Variants in UBQLN1 observed in about 807,000 individuals in gnomAD.
UBQLN1 encodes ubiquilin-1.
A neutral mutation model predicts 65.4 loss-of-function variants in UBQLN1; 13 were observed. The observed-to-expected ratio is 0.20, with a 90% CI of 0.13 to 0.32. UBQLN1 has a LOEUF of 0.32. UBQLN1 is among the 10% of genes least tolerant of loss of function. The pLI, the probability that UBQLN1 is intolerant of heterozygous loss-of-function variation, is 1.00. For missense variants in UBQLN1, 561 were observed against 724.0 expected (o/e 0.77, Z 2.58); for synonymous variants, 267 against 247.8 (o/e 1.08, Z -0.73).
At chr9:83,693,351 A>G (rs1444430553) in intron 1 of UBQLN1, among the ~76,000 whole-genome samples, 1 of 152,192 alleles carries the variant, frequency 6.6e-6, no homozygotes, top group Non-Finnish European at 1.5e-5. Context: ...ACTGAATGTA[A>G]TTTTAACTTT....
At chr9:83,691,171 T>C (rs1789983001) in intron 1 of UBQLN1, among the ~76,000 whole-genome samples, 1 of 129,324 alleles carries the variant, frequency 7.7e-6, no homozygotes, top group African/African-American at 2.9e-5. Flanking sequence ...AAACACAATA[T>C]ATACATATAT....
intron 7 of UBQLN1, chr9:83,667,262 T>C (rs994606837): frequency 1.3e-5 from 2 of 153,060 alleles, no homozygotes; most frequent in African/African-American, 4.8e-5. Flanking sequence ...AGCTAATAAA[T>C]TCTTGTAGCT....
At chr9:83,705,997 C>T (rs577840209) in intron 1 of UBQLN1, among the ~76,000 whole-genome samples, 1 of 151,558 alleles carries the variant, frequency 6.6e-6, no homozygotes, top group African/African-American at 2.4e-5. Context: ...TGGGAAAAGG[C>T]AAGAAAAAAC....
At chr9:83,684,764 CGCACCGTT>C (rs1185775313) in intron 2 of UBQLN1, among the ~76,000 whole-genome samples, 7 of 149,444 alleles carry the variant, frequency 4.7e-5, no homozygotes, top group Non-Finnish European at 1.0e-4. Flanking sequence ...GAGCTGAGAT[CGCACCGTT>C]GCACTCCAGC....
chr9:83,698,912 CAAAAAAAA>C (rs34821277), intron 1 of UBQLN1, among the ~76,000 whole-genome samples: 4 of 113,422 alleles, frequency 3.5e-5, no homozygotes, highest in African/African-American at 1.2e-4. Context: ...AGACCTGTCT[CAAAAAAAA>C]AAAAAAAAGT....
intron 6 of UBQLN1, among the ~76,000 whole-genome samples, chr9:83,672,496 A>G (rs141917237): frequency 1.3e-5 from 2 of 152,328 alleles, no homozygotes; most frequent in African/African-American, 2.4e-5. Context: ...GTTGTGTCTC[A>G]GAGAATAGGG....
intron 1 of UBQLN1, among the ~76,000 whole-genome samples, chr9:83,706,899 TACTATC>T (rs1832418094): frequency 6.6e-6 from 1 of 152,178 alleles, no homozygotes; most frequent in Admixed American, 6.5e-5. Flanking sequence ...TTAAACCTAG[TACTATC>T]ACTATTACTT....
At position 83,688,340 on chromosome 9, in the gene UBQLN1, G is replaced by T. The variant is rs566987053; in HGVS notation, c.181-2185C>A. The stretch of plus-strand genomic sequence containing the variant: ...ATACAGCTAATAAACTGGTAGTTAG[G>T]ATTCAAACTTAGATTTGACTTCAAA... On this transcript the variant is annotated intron_variant, in intron 1 of 10. Coordinates refer to ENST00000376395, the MANE Select transcript of UBQLN1 (RefSeq NM_013438.5). Among the ~76,000 whole-genome samples the T allele has an allele frequency of 2.0e-4, 31 of 152,198 alleles. No homozygotes were observed. In the East Asian group the frequency reaches 4.2e-3, roughly 21 times the overall value.
rs1048735090 is a variant in UBQLN1 at position 83,661,597 on chromosome 9, C to A, written c.*190G>T. 21 of 520,508 alleles carry A rather than the reference C, an allele frequency of 4.0e-5. No homozygotes were observed. The East Asian group carries it at 5.6e-4, about 14-fold the overall frequency. 32.2% of individuals were successfully genotyped at this position (520,508 alleles called of 1,614,324 possible). ...TGATGCATGCAGTAGCCTTAATTCC[C>A]ACTGTTCCAGAAAAGAAAAATACAG... On this transcript the variant is annotated 3_prime_UTR_variant, in exon 11 of 11. Coordinates refer to ENST00000376395, the MANE Select transcript of UBQLN1 (RefSeq NM_013438.5).
At chr9:83,705,135 C>A (rs1587667450) in intron 1 of UBQLN1, among the ~76,000 whole-genome samples, 1 of 151,912 alleles carries the variant, frequency 6.6e-6, no homozygotes, top group Non-Finnish European at 1.5e-5. Context: ...CTGACAATAT[C>A]AAAATGTTAG....
intron 7 of UBQLN1, 21 bp from the exon 8 acceptor site, chr9:83,666,454 C>T (rs1475948590): frequency 1.2e-6 from 2 of 1,609,174 alleles, no homozygotes; most frequent in Non-Finnish European, 8.5e-7. Flanking sequence ...AGTGTTCAAA[C>T]AATTTTAACT....
intron 10 of UBQLN1, 41 bp downstream of exon 10, chr9:83,663,834 A>G (rs747178808): frequency 1.3e-6 from 2 of 1,578,000 alleles, no homozygotes; most frequent in African/African-American, 1.4e-5. Flanking sequence ...TAAATTTCCA[A>G]CATTAAGGAA....
chr9:83,705,224 T>A (rs572835614), intron 1 of UBQLN1, among the ~76,000 whole-genome samples: 31 of 147,568 alleles, frequency 2.1e-4, no homozygotes, highest in Admixed American at 1.1e-3. Context: ...TTTCAGTATA[T>A]GTGCTGCTGA....
At chr9:83,698,912 CAAAA>C (rs34821277) in intron 1 of UBQLN1, among the ~76,000 whole-genome samples, 1 of 113,408 alleles carries the variant, frequency 8.8e-6, no homozygotes. Context: ...AGACCTGTCT[CAAAA>C]AAAAAAAAAA....
At chr9:83,669,160 T>C (rs372160412) in intron 7 of UBQLN1, 25 bp downstream of exon 7, 12 of 1,596,264 alleles carry the variant, frequency 7.5e-6, no homozygotes, top group Non-Finnish European at 1.0e-5. Flanking sequence ...CTGCACAGTC[T>C]TTTTCAATAC....
chr9:83,690,006 C>A (rs567890514), intron 1 of UBQLN1, among the ~76,000 whole-genome samples: 1 of 152,298 alleles, frequency 6.6e-6, no homozygotes, highest in African/African-American at 2.4e-5. Context: ...TGCAGAGCAA[C>A]TGGAAACCAC....
At chr9:83,692,579 G>A (rs953454398) in intron 1 of UBQLN1, among the ~76,000 whole-genome samples, 3 of 152,166 alleles carry the variant, frequency 2.0e-5, no homozygotes, top group East Asian at 1.9e-4. Flanking sequence ...TCGGCCAGGC[G>A]CAGTGGCTCA....
intron 6 of UBQLN1, among the ~76,000 whole-genome samples, chr9:83,675,211 T>C (rs937644881): frequency 6.6e-6 from 1 of 152,174 alleles, no homozygotes; most frequent in African/African-American, 2.4e-5. Context: ...TTTCATTGCA[T>C]TATTTTATTA....
rs564071763 is a variant in UBQLN1 at position 83,702,147 on chromosome 9, G to C, written c.180+5353C>G. Among the ~76,000 whole-genome samples, 7 of 152,282 alleles carry C rather than the reference G, an allele frequency of 4.6e-5. 1 individual carries two copies. Among genetic ancestry groups the C allele is most frequent in the Admixed American group, 4.6e-4 (7 of 15,304 alleles). The stretch of plus-strand genomic sequence containing the variant: ...TAGATCAGTAGTTGCCTAAGGCTGG[G>C]GGGCCCAGGGAGAAACGAAGGGCAA... On this transcript the variant is annotated intron_variant, in intron 1 of 10. Coordinates refer to ENST00000376395, the MANE Select transcript of UBQLN1 (RefSeq NM_013438.5).
Sources: allele counts gnomAD v4.1 joint callset (sites outside exome capture counted in the v4.1 genomes callset), GRCh38; gene constraint gnomAD v4.1.1; transcripts MANE v1.5; gene names NCBI Gene and HGNC (gene_info 2026-07-23, HGNC 2026-07-21).